Variants in PCNT observed in about 807,000 individuals in gnomAD.
PCNT encodes pericentrin.
Under a neutral mutation model 380.4 loss-of-function variants are expected in PCNT, and 319 were observed. The ratio of observed to expected loss-of-function variants is 0.84; its 90% CI spans 0.77 to 0.92. The LOEUF (loss-of-function observed/expected upper bound fraction) is 0.92. Among genes scored for constraint, PCNT ranks in the 40% least tolerant of loss-of-function variants. PCNT has a pLI of 0.00. For synonymous variants in PCNT, 1,845 were observed against 1,735.2 expected, an observed-to-expected ratio of 1.06 and a Z score of -1.57; for missense variants, 4,400 against 4,255.3, an observed-to-expected ratio of 1.03 and a Z score of -0.95.
intron 13 of PCNT, among the ~76,000 whole-genome samples, chr21:46,362,800 G>A (rs1419362352): frequency 1.3e-5 from 2 of 151,788 alleles, no homozygotes; most frequent in Non-Finnish European, 2.9e-5. Flanking sequence ...TTGAGCCCAG[G>A]AGTTCGAGGC....
chr21:46,330,539 GTA>G (rs1456519419), intron 2 of PCNT, among the ~76,000 whole-genome samples: 1 of 152,154 alleles, frequency 6.6e-6, no homozygotes, highest in East Asian at 1.9e-4. Flanking sequence ...TGTCAATTAT[GTA>G]TATAAAAACC....
Position 46,366,712 on chromosome 21 carries a change from T to A in PCNT, c.2738T>A (p.Leu913Gln). 6.2e-7 allele frequency: 1 copy of A among 1,613,756 alleles called. No individual in the cohort carries two copies. Among genetic ancestry groups the A allele is most frequent in the Non-Finnish European group, 8.5e-7 (1 of 1,180,038 alleles). ...CAGGAGAGACACCAGCAGCAGCTCC[T>A]GTCAGTGACGGCGGAGCTCGAGGCC... ...LLQERHQQQL[L>Q]SVTAELEARH... Residue 913 changes from leucine to glutamine, a missense_variant, in exon 15 of 47, where the codon CTG becomes CAG. By Grantham distance (113) the Leu-to-Gln change is moderately radical (BLOSUM62 -2). Coordinates refer to ENST00000359568, the MANE Select transcript of PCNT (RefSeq NM_006031.6).
chr21:46,422,241 C>G, intron 32 of PCNT, 117 bp downstream of exon 32: 5 of 1,260,332 alleles, frequency 4.0e-6, no homozygotes, highest in Non-Finnish European at 5.6e-6. Flanking sequence ...TCCTGGGTGC[C>G]TCTGAGCACC....
chr21:46,377,968 C>T (rs949051982), intron 15 of PCNT, among the ~76,000 whole-genome samples: 1 of 152,150 alleles, frequency 6.6e-6, no homozygotes, highest in South Asian at 2.1e-4. Flanking sequence ...ATAGACTCAG[C>T]GTGTGCCCTC....
chr21:46,372,959 G>A (rs2839232), intron 15 of PCNT, among the ~76,000 whole-genome samples: 46,529 of 152,172 alleles, frequency 0.31, 8,758 homozygotes, highest in African/African-American at 0.54. Context: ...GGAGGTGTTC[G>A]TTTTCTGAAA....
chr21:46,351,027 A>G (rs537621718), intron 8 of PCNT, among the ~76,000 whole-genome samples: 15 of 152,284 alleles, frequency 9.9e-5, no homozygotes, highest in Non-Finnish European at 1.9e-4. Context: ...GAGACCTCCT[A>G]TTTGGGAGTC....
At chr21:46,422,822 G>C (rs1361940001) in intron 32 of PCNT, among the ~76,000 whole-genome samples, 1 of 152,218 alleles carries the variant, frequency 6.6e-6, no homozygotes, top group Non-Finnish European at 1.5e-5. Context: ...ACACTCCTGT[G>C]CTGCTGGCCG....
intron 22 of PCNT, 128 bp from the exon 23 acceptor site, chr21:46,397,886 G>A (rs574744506): frequency 5.7e-6 from 4 of 707,028 alleles, no homozygotes; most frequent in South Asian, 3.0e-5. Context: ...TGTGATGAGG[G>A]GGGTATTTGG....
intron 38 of PCNT, among the ~76,000 whole-genome samples, chr21:46,433,623 G>A (rs913928889): frequency 2.0e-5 from 3 of 152,116 alleles, no homozygotes; most frequent in African/African-American, 4.8e-5. Context: ...CTGAAACCAC[G>A]CCTGAAGTTG....
chr21:46,421,779 G>A (rs542091444), intron 31 of PCNT, among the ~76,000 whole-genome samples, 191 bp from the exon 32 acceptor site: 5 of 152,310 alleles, frequency 3.3e-5, no homozygotes, highest in South Asian at 2.1e-4. Context: ...CTTGACGTGC[G>A]TCTTTCTCAC....
rs375279759 is a variant in PCNT at position 46,324,252 on chromosome 21, G to A, written c.24G>A (p.Arg8=). The A allele has an allele frequency of 2.5e-6, 4 of 1,612,188 alleles. No individual in the cohort carries two copies. The highest frequency in any genetic ancestry group is 2.7e-5 in the African/African-American group (2 of 74,914). Residue 8 remains arginine (R), a synonymous_variant, in exon 1 of 47, where the codon CGG becomes CGA. Coordinates refer to ENST00000359568, the MANE Select transcript of PCNT (RefSeq NM_006031.6). MEVEQEQ[R]RRKVEAGRTK... is the part of the protein sequence containing the mutation. ...AGATGGAAGTTGAGCAAGAGCAGCGGCGCAGAAAGGTGGAGGCCGGGAGGA... is the reference window on the plus strand; with the variant it reads ...AGATGGAAGTTGAGCAAGAGCAGCGACGCAGAAAGGTGGAGGCCGGGAGGA...
chr21:46,403,673 CGT>C (rs535411229), intron 27 of PCNT, among the ~76,000 whole-genome samples: 998 of 64,660 alleles, frequency 0.015, 3 homozygotes, highest in Non-Finnish European at 0.022. Flanking sequence ...GTGGGAGAAT[CGT>C]GTGTGTGTGG....
chr21:46,377,361 T>C (rs1477117531), intron 15 of PCNT, among the ~76,000 whole-genome samples: 1 of 152,244 alleles, frequency 6.6e-6, no homozygotes, highest in Non-Finnish European at 1.5e-5. Flanking sequence ...TCCTGCCTGC[T>C]AAGTAGATAC....
At chr21:46,410,657 A>G (rs1401074763) in intron 27 of PCNT, among the ~76,000 whole-genome samples, 2 of 152,230 alleles carry the variant, frequency 1.3e-5, no homozygotes, top group Non-Finnish European at 2.9e-5. Flanking sequence ...TCATGGCACA[A>G]GTAAACTCAC....
In PCNT at chr21:46,401,662, G is replaced by C. The variant is rs755424958; in HGVS notation, c.4903G>C (p.Glu1635Gln). Residue 1635 changes from glutamate (E) to glutamine (Q), a missense_variant, in exon 26 of 47, where the codon GAG becomes CAG. Transcript: ENST00000359568. ...CPEPPSGSPPEGPEIQLEVTQ... is the reference protein window; with the variant it reads ...CPEPPSGSPPQGPEIQLEVTQ... ...CGAGCCTCCTTCGGGCAGCCCTCCT[G>C]AGGGTCCAGAAATACAGTTAGAGGT... 2 of 1,614,086 alleles carry C rather than the reference G, an allele frequency of 1.2e-6. No individual in the cohort carries two copies. Among genetic ancestry groups the C allele is most frequent in the South Asian group, 1.1e-5 (1 of 91,070 alleles).
At chr21:46,338,936 A>G (rs897778372) in intron 3 of PCNT, among the ~76,000 whole-genome samples, 2 of 152,068 alleles carry the variant, frequency 1.3e-5, no homozygotes, top group African/African-American at 2.4e-5. Flanking sequence ...GCATGCCACT[A>G]TCACTTGGCT....
At position 46,326,450 on chromosome 21, in the gene PCNT, G is replaced by C. The variant is rs564855870; in HGVS notation, c.128G>C (p.Gly43Ala). 3.1e-6 allele frequency: 5 copies of C among 1,614,252 alleles called. No individual in the cohort carries two copies. Among genetic ancestry groups the C allele is most frequent in the African/African-American group, 1.3e-5 (1 of 75,068 alleles). Reference sequence around the variant, plus strand: ...GAGAAAAAGACGGCGAAGAGGAAGGGCTCGGCTGTCGATGCGTCTGTCCAG... The same window carrying C: ...GAGAAAAAGACGGCGAAGAGGAAGGCCTCGGCTGTCGATGCGTCTGTCCAG... ...HSEKKTAKRK[G>A]SAVDASVQEE... is the part of the protein sequence containing the mutation. The change falls in exon 2 of 47, where the codon GGC becomes GCC. Residue 43 changes from glycine to alanine, a missense_variant. Transcript: ENST00000359568.
intron 2 of PCNT, among the ~76,000 whole-genome samples, chr21:46,328,587 T>C (rs117628750): frequency 0.081 from 12,331 of 151,310 alleles, 632 homozygotes; most frequent in Middle Eastern, 0.12. Context: ...CAGCCTCCCG[T>C]GTAGCTGGGA....
rs775304877 is a variant in PCNT at position 46,412,862 on chromosome 21, C to T, written c.6020C>T (p.Thr2007Met). Reference protein sequence around the residue: ...PQGDLQPVLVTLKDAPLCKQE... With the variant: ...PQGDLQPVLVMLKDAPLCKQE... ...GGTGATCTGCAGCCTGTCCTGGTGA[C>T]GTTGAAGGATGCACCTCTCTGCAAG... Residue 2007 changes from threonine to methionine, a missense_variant, in exon 29 of 47, where the codon ACG (threonine) becomes ATG (methionine). Coordinates refer to ENST00000359568, the MANE Select transcript of PCNT (RefSeq NM_006031.6). The T allele has an allele frequency of 2.2e-5, 35 of 1,612,438 alleles. No homozygotes were observed. The highest frequency in any genetic ancestry group is 1.6e-4 in the Middle Eastern group (1 of 6,084).
Sources: allele counts gnomAD v4.1 joint callset (sites outside exome capture counted in the v4.1 genomes callset), GRCh38; gene constraint gnomAD v4.1.1; transcripts MANE v1.5; gene names NCBI Gene and HGNC (gene_info 2026-07-23, HGNC 2026-07-21).